The following MAP2K1 variants were observed in gnomAD, a reference collection of about 807,000 sequenced individuals.
MAP2K1 encodes dual specificity mitogen-activated protein kinase kinase 1.
MAP2K1 carries 16 observed loss-of-function variants against 46.3 expected under a neutral mutation model. That is an observed-to-expected ratio of 0.35 (90% CI 0.23 to 0.52). The LOEUF (loss-of-function observed/expected upper bound fraction) is 0.52, where lower values mean the gene tolerates loss of function less well. Ranked by LOEUF, MAP2K1 falls within the 20% of genes least tolerant of loss-of-function variation. The probability of loss-of-function intolerance (pLI) is 0.94; values close to 1 mark genes in which losing one functional copy is unlikely to be tolerated. For missense variants in MAP2K1, 263 were observed against 497.1 expected (o/e 0.53, Z 4.48); for synonymous variants, 183 against 185.6 (o/e 0.99, Z 0.11).
rs954569648 is a variant in MAP2K1 at position 66,491,143 on chromosome 15, C to T, written c.*528C>T. The T allele has an allele frequency of 3.4e-6, 1 of 289,988 alleles. No individual in the cohort carries two copies. Among genetic ancestry groups the T allele is most frequent in the Admixed American group, 4.7e-5 (1 of 21,336 alleles). 18.0% of individuals were successfully genotyped at this position (289,988 alleles called of 1,614,324 possible). Reference sequence around the variant, plus strand: ...TATTTTATTATTATTATTTGCTTTTCATGTAGAACTCAGCAGTTGACATCC... The same window carrying T: ...TATTTTATTATTATTATTTGCTTTTTATGTAGAACTCAGCAGTTGACATCC... On this transcript the variant is annotated 3_prime_UTR_variant, in exon 11 of 11. Coordinates refer to ENST00000307102, the MANE Select transcript of MAP2K1 (RefSeq NM_002755.4).
Position 66,435,024 on chromosome 15 carries a change from C to T in MAP2K1, c.81-3C>T, listed in dbSNP as rs751859390. The T allele has an allele frequency of 1.9e-6, 3 of 1,608,792 alleles. No homozygotes were observed. The highest frequency in any genetic ancestry group is 2.6e-6 in the Non-Finnish European group (3 of 1,175,458). On this transcript the variant is annotated splice_polypyrimidine_tract_variant and splice_region_variant and intron_variant, in intron 1 of 10. Coordinates refer to ENST00000307102, the MANE Select transcript of MAP2K1 (RefSeq NM_002755.4). ...TTGACTTGTGCTCCCCACTTTGGAA[C>T]AGGACCAACTTGGAGGCCTTGCAGA...
chr15:66,427,742 A>G (rs2093462807), intron 1 of MAP2K1, among the ~76,000 whole-genome samples: 1 of 150,918 alleles, frequency 6.6e-6, no homozygotes, highest in African/African-American at 2.4e-5. Flanking sequence ...CTGGCCAGGC[A>G]TGGTGGCTCA....
intron 5 of MAP2K1, among the ~76,000 whole-genome samples, chr15:66,457,746 C>A (rs1250949076): frequency 6.6e-6 from 1 of 151,880 alleles, no homozygotes; most frequent in South Asian, 2.1e-4. Context: ...TGGATCACCT[C>A]AGGTCAGGGG....
intron 5 of MAP2K1, among the ~76,000 whole-genome samples, chr15:66,458,157 G>A (rs1246540183): frequency 1.3e-5 from 2 of 152,180 alleles, no homozygotes; most frequent in Non-Finnish European, 2.9e-5. Flanking sequence ...GTAGGTAGTT[G>A]TGCTGTGAGT....
chr15:66,396,110 G>A (rs537823673), intron 1 of MAP2K1, among the ~76,000 whole-genome samples: 87 of 151,650 alleles, frequency 5.7e-4, no homozygotes, highest in Middle Eastern at 3.4e-3. Flanking sequence ...GGGTTCAAGC[G>A]ATTCTCCTGC....
chr15:66,459,854 G>A (rs1282694168), intron 5 of MAP2K1, among the ~76,000 whole-genome samples: 2 of 152,164 alleles, frequency 1.3e-5, no homozygotes, highest in Non-Finnish European at 2.9e-5. Flanking sequence ...AGACTCACAC[G>A]TAATGATTTG....
intron 6 of MAP2K1, among the ~76,000 whole-genome samples, chr15:66,483,213 C>T (rs1348523935): frequency 6.6e-6 from 1 of 152,206 alleles, no homozygotes; most frequent in African/African-American, 2.4e-5. Flanking sequence ...AGTGTGAACA[C>T]ATCCTCATTC....
At chr15:66,477,412 G>T (rs909075197) in intron 5 of MAP2K1, among the ~76,000 whole-genome samples, 2 of 152,156 alleles carry the variant, frequency 1.3e-5, no homozygotes, top group African/African-American at 4.8e-5. Flanking sequence ...GTGAACTGCC[G>T]ATCTTGGAGG....
At chr15:66,420,783 ATATATGTGTG>A (rs2093437674) in intron 1 of MAP2K1, among the ~76,000 whole-genome samples, 3 of 54,600 alleles carry the variant, frequency 5.5e-5, no homozygotes, top group Admixed American at 2.7e-4. Flanking sequence ...ATATGTGTAT[ATATATGTGTG>A]TATATATATG....
intron 5 of MAP2K1, among the ~76,000 whole-genome samples, chr15:66,455,285 T>C (rs1892138688): frequency 6.6e-6 from 1 of 152,192 alleles, no homozygotes; most frequent in African/African-American, 2.4e-5. Context: ...AAAAGTAACG[T>C]ACAAAAATAG....
At chr15:66,413,187 C>T (rs534597344) in intron 1 of MAP2K1, among the ~76,000 whole-genome samples, 101 of 152,272 alleles carry the variant, frequency 6.6e-4, no homozygotes, top group Non-Finnish European at 1.0e-3. Flanking sequence ...TGAGCCACCA[C>T]GCTTGGCCCC....
intron 1 of MAP2K1, among the ~76,000 whole-genome samples, chr15:66,410,986 G>A (rs764033937): frequency 2.6e-5 from 4 of 152,192 alleles, no homozygotes; most frequent in Non-Finnish European, 4.4e-5. Context: ...GAAAGCCAGT[G>A]TTAGTTTACA....
At chr15:66,404,246 G>A (rs934623682) in intron 1 of MAP2K1, among the ~76,000 whole-genome samples, 5 of 152,162 alleles carry the variant, frequency 3.3e-5, no homozygotes, top group African/African-American at 9.7e-5. Context: ...CCAGCCACTC[G>A]GGGGCTGAGG....
Position 66,435,044 on chromosome 15 carries a change from T to C in MAP2K1, c.98T>C (p.Leu33Ser), listed in dbSNP as rs1398951177. 1 of 1,613,762 alleles carries C rather than the reference T, an allele frequency of 6.2e-7. No individual in the cohort carries two copies. The highest frequency in any genetic ancestry group is 8.5e-7 in the Non-Finnish European group (1 of 1,179,810). ...TSSAETNLEA[L>S]QKKLEELELD... ...TGGAACAGGACCAACTTGGAGGCCT[T>C]GCAGAAGAAGCTGGAGGAGCTAGAG... is the stretch of plus-strand genomic sequence containing the variant. The change falls in exon 2 of 11, where the codon TTG becomes TCG. Residue 33 changes from leucine (L) to serine (S), a missense_variant. Physicochemically the swap from Leu to Ser is moderately radical, Grantham distance 145 (BLOSUM62 -2). Around this residue, in one of 4 missense-constraint regions of MAP2K1, gnomAD observed 103 missense variants for 221.6 expected, o/e 0.46. Coordinates refer to ENST00000307102, the MANE Select transcript of MAP2K1 (RefSeq NM_002755.4).
At chr15:66,431,943 G>C (rs970129216) in intron 1 of MAP2K1, among the ~76,000 whole-genome samples, 1 of 152,162 alleles carries the variant, frequency 6.6e-6, no homozygotes, top group African/African-American at 2.4e-5. Flanking sequence ...AGAACATGCG[G>C]TATTTGGTTT....
chr15:66,406,892 C>T (rs2093398467), intron 1 of MAP2K1, among the ~76,000 whole-genome samples: 1 of 151,842 alleles, frequency 6.6e-6, no homozygotes, highest in Non-Finnish European at 1.5e-5. Flanking sequence ...ATTAGCCGGG[C>T]GTGGTGGTGC....
rs1285252721 is a variant in MAP2K1, at chr15:66,415,052, T to TGCA, written c.81-19974_81-19972dup. The TGCA allele has an allele frequency of 4.0e-5, 20 of 500,012 alleles. No individual in the cohort carries two copies. The East Asian group carries it at 1.1e-3, about 29-fold the overall frequency. The allele number at this position is 500,012 out of a possible 1,614,324, so 31.0% of individuals were successfully genotyped here. ...GAGATGCTCCCCTTCTTCATGTCAATGCACTGCTTGTAGTACCAGTAATAA... is the reference window on the plus strand; with the variant it reads ...GAGATGCTCCCCTTCTTCATGTCAATGCAGCACTGCTTGTAGTACCAGTAATAA... On this transcript the variant is annotated intron_variant, in intron 1 of 10. Transcript: ENST00000307102.
At chr15:66,393,829 AC>A (rs2093361993) in intron 1 of MAP2K1, among the ~76,000 whole-genome samples, 2 of 152,176 alleles carry the variant, frequency 1.3e-5, no homozygotes, top group African/African-American at 2.4e-5. Flanking sequence ...ATACCGTATG[AC>A]TTGCTTCCTC....
intron 5 of MAP2K1, among the ~76,000 whole-genome samples, chr15:66,464,238 CT>C (rs1391514199): frequency 6.6e-6 from 1 of 152,086 alleles, no homozygotes; most frequent in Non-Finnish European, 1.5e-5. Flanking sequence ...ACTAGGAAAG[CT>C]CATTTTTAGC....
Sources: gnomAD v4.1 joint callset for allele counts (sites outside exome capture counted in the v4.1 genomes callset) on GRCh38, gnomAD v4.1.1 for gene constraint, gnomAD v4.1.1 regional missense constraint, MANE v1.5 for transcripts, NCBI Gene and HGNC (gene_info 2026-07-23, HGNC 2026-07-21) for gene names.